Variants in KSR2 observed in about 807,000 individuals in gnomAD.
The protein encoded by KSR2 is kinase suppressor of ras 2.
KSR2 carries 25 observed loss-of-function variants against 107.8 expected under a neutral mutation model. That is an observed-to-expected ratio of 0.23 (90% confidence interval 0.17 to 0.32). The LOEUF (loss-of-function observed/expected upper bound fraction) is 0.32. Among genes scored for constraint, KSR2 ranks in the 10% least tolerant of loss-of-function variants. The pLI, the probability that KSR2 is intolerant of heterozygous loss-of-function variation, is 1.00. For synonymous variants in KSR2, 480 were observed against 507.0 expected, an observed-to-expected ratio of 0.95 and a Z score of 0.71; for missense variants, 887 against 1,268.9, an observed-to-expected ratio of 0.70 and a Z score of 4.57.
At chr12:117,795,721 C>G (rs1215328480) in intron 3 of KSR2, among the ~76,000 whole-genome samples, 3 of 152,064 alleles carry the variant, frequency 2.0e-5, no homozygotes, top group Non-Finnish European at 4.4e-5. Context: ...CTTGAACTCT[C>G]AGGCTCAAGC....
chr12:117,674,395 A>T (rs1885036590), intron 4 of KSR2: 1 of 457,944 alleles, frequency 2.2e-6, no homozygotes, highest in African/African-American at 2.0e-5. Flanking sequence ...TCACCATTTT[A>T]AATTGAATAA....
intron 16 of KSR2, among the ~76,000 whole-genome samples, chr12:117,480,268 G>T (rs527931549): frequency 6.6e-6 from 1 of 152,226 alleles, no homozygotes; most frequent in Admixed American, 6.5e-5. Context: ...TGACTCATGG[G>T]GTCAGCAGCT....
chr12:117,607,133 G>A (rs929819846), intron 5 of KSR2, among the ~76,000 whole-genome samples: 5 of 152,166 alleles, frequency 3.3e-5, no homozygotes, highest in South Asian at 2.1e-4. Flanking sequence ...GGCAAGGGAC[G>A]TGTCTGGTTC....
intron 14 of KSR2, among the ~76,000 whole-genome samples, chr12:117,520,545 G>C (rs561196370): frequency 6.6e-6 from 1 of 152,352 alleles, no homozygotes; most frequent in South Asian, 2.1e-4. Flanking sequence ...TGGGGTGAAA[G>C]CAAGGACACT....
At position 117,597,728 on chromosome 12, in the gene KSR2, C is replaced by T. The variant is rs12319047; in HGVS notation, c.1172-15369G>A. On this transcript the variant is annotated intron_variant, in intron 5 of 19. Transcript: ENST00000339824. ...TGTGGCAGCAGCAACAGGAAACCAACGTAGCCAAGTATTAAATATTCACCA... is the reference window on the plus strand; with the variant it reads ...TGTGGCAGCAGCAACAGGAAACCAATGTAGCCAAGTATTAAATATTCACCA... 1.2e-3 allele frequency among the ~76,000 whole-genome samples: 177 copies of T among 152,294 alleles called. 1 individual carries two copies. The highest frequency in any genetic ancestry group is 3.8e-3 in the African/African-American group (157 of 41,570).
At chr12:117,949,262 T>C (rs1593396243) in intron 1 of KSR2, among the ~76,000 whole-genome samples, 1 of 152,108 alleles carries the variant, frequency 6.6e-6, no homozygotes, top group East Asian at 1.9e-4. Context: ...TAAATTGGAC[T>C]TTATCATACC....
At chr12:117,526,260 C>G (rs1875155934) in intron 13 of KSR2, among the ~76,000 whole-genome samples, 1 of 152,018 alleles carries the variant, frequency 6.6e-6, no homozygotes, top group South Asian at 2.1e-4. Flanking sequence ...GGTGTAGGGA[C>G]CCACCTTATC....
At chr12:117,626,266 G>A (rs1022884693) in intron 5 of KSR2, among the ~76,000 whole-genome samples, 70 of 151,748 alleles carry the variant, frequency 4.6e-4, no homozygotes, top group African/African-American at 1.5e-3. Flanking sequence ...TTGTTTACTC[G>A]TGCTTCTCTA....
At chr12:117,475,119 T>C (rs937477292) in intron 17 of KSR2, among the ~76,000 whole-genome samples, 1 of 152,130 alleles carries the variant, frequency 6.6e-6, no homozygotes, top group African/African-American at 2.4e-5. Context: ...GCCCCCATCC[T>C]CTCCTTCTTC....
intron 1 of KSR2, among the ~76,000 whole-genome samples, chr12:117,882,641 CAAT>C: frequency 2.6e-5 from 4 of 151,032 alleles, no homozygotes; most frequent in African/African-American, 9.7e-5. Context: ...ATCCATCCAA[CAAT>C]CCATCTATCC....
Position 117,813,675 on chromosome 12 carries a change from C to T in KSR2, c.472+41753G>A, listed in dbSNP as rs180801446. Among the ~76,000 whole-genome samples the T allele has an allele frequency of 7.9e-5, 12 of 152,158 alleles. No homozygotes were observed. The East Asian group carries it at 1.7e-3, about 22-fold the overall frequency. On this transcript the variant is annotated intron_variant, in intron 3 of 19. Coordinates refer to ENST00000339824, the MANE Select transcript of KSR2 (RefSeq NM_173598.6). Reference sequence around the variant, plus strand: ...AAAAGGAACTCATACATTGTTGGTGCGAATGTAAACTAGTACAGCCACTAC... The same window carrying T: ...AAAAGGAACTCATACATTGTTGGTGTGAATGTAAACTAGTACAGCCACTAC...
At chr12:117,833,203 C>T (rs990926987) in intron 3 of KSR2, among the ~76,000 whole-genome samples, 8 of 152,174 alleles carry the variant, frequency 5.3e-5, no homozygotes, top group Non-Finnish European at 1.0e-4. Context: ...CAACTCATAG[C>T]TTAGAAAGTT....
chr12:117,585,843 C>G (rs566568585), intron 5 of KSR2, among the ~76,000 whole-genome samples: 2 of 152,216 alleles, frequency 1.3e-5, no homozygotes, highest in Non-Finnish European at 1.5e-5. Context: ...TTTTGTGCAT[C>G]CCTGGTGCCT....
At chr12:117,751,064 T>G (rs371151138) in intron 4 of KSR2, among the ~76,000 whole-genome samples, 1 of 152,210 alleles carries the variant, frequency 6.6e-6, no homozygotes, top group Admixed American at 6.5e-5. Context: ...TGTCGTGGGA[T>G]GGACCAGGTG....
intron 1 of KSR2, among the ~76,000 whole-genome samples, chr12:117,922,101 T>C (rs1447168507): frequency 2.6e-5 from 4 of 152,128 alleles, no homozygotes; most frequent in Non-Finnish European, 5.9e-5. Flanking sequence ...CTCTGGAAGG[T>C]TGGCTTCTCT....
chr12:117,485,797 C>G, intron 14 of KSR2, 106 bp from the exon 15 acceptor site: 1 of 742,372 alleles, frequency 1.3e-6, no homozygotes, highest in Admixed American at 2.0e-5. Context: ...GTGGACATGC[C>G]ACTATTGTGC....
At position 117,691,355 on chromosome 12, in the gene KSR2, G is replaced by A. The variant is rs12227901; in HGVS notation, c.987-23697C>T. 5.3e-4 allele frequency among the ~76,000 whole-genome samples: 81 copies of A among 152,280 alleles called. 2 individuals are homozygous for A. The East Asian group carries it at 0.015, about 29-fold the overall frequency. ...GCTGCAAAGAAAGATGGTGCCAGGGGACACTGAGTCACTGACCCTCGCCTT... is the reference window on the plus strand; with the variant it reads ...GCTGCAAAGAAAGATGGTGCCAGGGAACACTGAGTCACTGACCCTCGCCTT... On this transcript the variant is annotated intron_variant, in intron 4 of 19. Transcript: ENST00000339824.
At chr12:117,513,984 G>A (rs545083907) in intron 14 of KSR2, among the ~76,000 whole-genome samples, 1 of 152,302 alleles carries the variant, frequency 6.6e-6, no homozygotes, top group East Asian at 1.9e-4. Flanking sequence ...TAATTACAAC[G>A]TTGTCTCCCT....
intron 5 of KSR2, among the ~76,000 whole-genome samples, chr12:117,641,225 T>C (rs1432666315): frequency 6.6e-6 from 1 of 152,144 alleles, no homozygotes; most frequent in African/African-American, 2.4e-5. Context: ...GTCTCCCAAG[T>C]AGCTGGGATT....
Sources: gnomAD v4.1 joint callset for allele counts (sites outside exome capture counted in the v4.1 genomes callset) on GRCh38, gnomAD v4.1.1 for gene constraint, MANE v1.5 for transcripts, NCBI Gene and HGNC (gene_info 2026-07-23, HGNC 2026-07-21) for gene names.